CLPB: variants seen among roughly 807,000 people sequenced by gnomAD.
CLPB encodes ClpB family mitochondrial disaggregase.
Under a neutral mutation model 78.4 loss-of-function variants are expected in CLPB, and 40 were observed. That is an observed-to-expected ratio of 0.51 (90% CI 0.40 to 0.66). The LOEUF (loss-of-function observed/expected upper bound fraction) is 0.66. Among genes scored for constraint, CLPB ranks in the 30% least tolerant of loss-of-function variants. The pLI, the probability that CLPB is intolerant of heterozygous loss-of-function variation, is 0.00. For missense variants in CLPB, 780 were observed against 886.9 expected (o/e 0.88, Z 1.53); for synonymous variants, 333 against 348.0 (o/e 0.96, Z 0.48).
intron 4 of CLPB, among the ~76,000 whole-genome samples, chr11:72,367,985 A>G (rs1950975895): frequency 1.3e-5 from 2 of 152,232 alleles, no homozygotes; most frequent in South Asian, 4.1e-4. Context: ...GTTAAAAAAT[A>G]TATGTAAGAA....
At chr11:72,296,775 G>A (rs562109925) in intron 11 of CLPB, among the ~76,000 whole-genome samples, 15 of 152,288 alleles carry the variant, frequency 9.8e-5, no homozygotes, top group Non-Finnish European at 2.1e-4. Flanking sequence ...AACAGCGTCC[G>A]GTACAGAGTA....
At chr11:72,342,061 T>C (rs952878021) in intron 5 of CLPB, among the ~76,000 whole-genome samples, 1 of 152,150 alleles carries the variant, frequency 6.6e-6, no homozygotes, top group Non-Finnish European at 1.5e-5. Flanking sequence ...GGAGAAGTCA[T>C]CAGACATAAC....
At chr11:72,403,529 A>G (rs1021834085) in intron 2 of CLPB, among the ~76,000 whole-genome samples, 4 of 152,230 alleles carry the variant, frequency 2.6e-5, no homozygotes, top group Non-Finnish European at 4.4e-5. Flanking sequence ...TCCAGTCCAC[A>G]GCAATTCCTT....
At position 72,317,118 on chromosome 11, in the gene CLPB, T is replaced by A. The variant is rs770679403; in HGVS notation, c.976A>T (p.Thr326Ser). Residue 326 changes from threonine to serine, a missense_variant, in exon 7 of 16, where the codon ACA (threonine) becomes TCA (serine). Around this residue, in one of 3 missense-constraint regions of CLPB, gnomAD observed 91 missense variants for 168.2 expected, o/e 0.54. Transcript: ENST00000538039. ...CCCACACACTCACCAGCACCCACTG[T>A]GGCGATGGCGCTCTCCTGGCCAATG... The part of the protein sequence containing the change: ...HIIGQESAIA[T>S]VGAAIRRKEN... 1 of 1,610,448 alleles carries A rather than the reference T, an allele frequency of 6.2e-7. No homozygotes were observed.
chr11:72,380,467 G>A (rs1854876261), intron 3 of CLPB, 83 bp from the exon 4 acceptor site: 3 of 1,027,022 alleles, frequency 2.9e-6, no homozygotes, highest in Admixed American at 1.9e-5. Context: ...CATGTTTGGG[G>A]ACTGGAGCTG....
intron 4 of CLPB, 111 bp from the exon 5 acceptor site, chr11:72,359,119 A>G: frequency 6.5e-7 from 1 of 1,543,652 alleles, no homozygotes; most frequent in African/African-American, 1.4e-5. Flanking sequence ...CTACTTACTA[A>G]GCATAAAATG....
chr11:72,405,997 C>G (rs1855699361), intron 2 of CLPB, among the ~76,000 whole-genome samples: 1 of 151,902 alleles, frequency 6.6e-6, no homozygotes, highest in Non-Finnish European at 1.5e-5. Flanking sequence ...AAGTTAGCAA[C>G]AGAGAGAAAA....
At chr11:72,415,201 T>C (rs1327844121) in intron 2 of CLPB, among the ~76,000 whole-genome samples, 1 of 151,656 alleles carries the variant, frequency 6.6e-6, no homozygotes, top group Non-Finnish European at 1.5e-5. Flanking sequence ...GGCGACAGAG[T>C]GAGACTCCGT....
chr11:72,309,674 A>G (rs1378415442), intron 7 of CLPB, among the ~76,000 whole-genome samples: 1 of 152,188 alleles, frequency 6.6e-6, no homozygotes, highest in Non-Finnish European at 1.5e-5. Context: ...TTTTTTTAAA[A>G]AAGTAACATA....
chr11:72,294,769 C>T, intron 12 of CLPB, 76 bp from the exon 13 acceptor site: 1 of 1,245,848 alleles, frequency 8.0e-7, no homozygotes, highest in Non-Finnish European at 1.2e-6. Context: ...CCTTGGCCTG[C>T]CCATGGAAAG....
intron 4 of CLPB, chr11:72,372,860 A>G: frequency 7.2e-7 from 1 of 1,397,352 alleles, no homozygotes; most frequent in Non-Finnish European, 1.0e-6. Context: ...AGAGATAGTC[A>G]GATGAGACCA....
chr11:72,401,837 C>T (rs1855573134), intron 3 of CLPB, among the ~76,000 whole-genome samples: 1 of 152,206 alleles, frequency 6.6e-6, no homozygotes, highest in Non-Finnish European at 1.5e-5. Context: ...CAAATGTGTA[C>T]TTCATCCCAG....
At position 72,288,422 on chromosome 11, in the gene CLPB, G is replaced by A. The variant is rs1949414616; in HGVS notation, c.*4945C>T. 1.3e-5 allele frequency: 2 copies of A among 152,286 alleles called. No individual in the cohort carries two copies. The highest frequency in any genetic ancestry group is 1.9e-4 in the East Asian group (1 of 5,178). The allele number at this position is 152,286 out of a possible 1,614,324, so 9.4% of individuals were successfully genotyped here. A position where few individuals can be genotyped will look rare whatever the true frequency, so the allele number is the denominator to read the frequency against. On this transcript the variant is annotated 3_prime_UTR_variant, in exon 16 of 16. Transcript: ENST00000538039. ...ATGAGACCTGCTTGAACTGGAGGTG[G>A]AGGTTGCAGTGAGCCAAGATTGCAC...
At chr11:72,415,641 C>T (rs2135123263) in intron 2 of CLPB, among the ~76,000 whole-genome samples, 1 of 152,298 alleles carries the variant, frequency 6.6e-6, no homozygotes, top group East Asian at 1.9e-4. Flanking sequence ...TTAAAGTGTC[C>T]TTACCTTTAG....
At chr11:72,326,564 T>C (rs1590798739) in intron 6 of CLPB, among the ~76,000 whole-genome samples, 1 of 151,836 alleles carries the variant, frequency 6.6e-6, no homozygotes, top group South Asian at 2.1e-4. Flanking sequence ...TAGGTGGAGG[T>C]GGAGGAGGCT....
chr11:72,337,952 G>A (rs1254545018), intron 5 of CLPB, among the ~76,000 whole-genome samples: 1 of 152,134 alleles, frequency 6.6e-6, no homozygotes, highest in Non-Finnish European at 1.5e-5. Context: ...CCTCTCAGAA[G>A]GTCATCCACA....
chr11:72,430,354 A>G lies in CLPB; in HGVS notation c.413T>C (p.Leu138Pro), dbSNP rs1384482038. Residue 138 changes from leucine (L) to proline (P), a missense_variant, in exon 2 of 16, where the codon CTG becomes CCG. Leu to Pro is a moderately conservative substitution (Grantham distance 98). Transcript: ENST00000538039. ...ATTGTTGGCACGGGCAGCTTCCAACAGGGCTGCATCTGAAGAGAAAGGGGG... is the reference window on the plus strand; with the variant it reads ...ATTGTTGGCACGGGCAGCTTCCAACGGGGCTGCATCTGAAGAGAAAGGGGG... ...SKSPSNKDAA[L>P]LEAARANNMQ... The G allele has an allele frequency of 1.2e-6, 2 of 1,613,218 alleles. No homozygotes were observed. The highest frequency in any genetic ancestry group is 1.7e-6 in the Non-Finnish European group (2 of 1,179,860).
At chr11:72,378,101 A>T (rs1470470800) in intron 4 of CLPB, among the ~76,000 whole-genome samples, 1 of 152,256 alleles carries the variant, frequency 6.6e-6, no homozygotes, top group Non-Finnish European at 1.5e-5. Flanking sequence ...TGACAGCAGA[A>T]GTTGGACTAG....
Position 72,298,981 on chromosome 11 carries a change from A to T in CLPB, c.1329+2822T>A, listed in dbSNP as rs2135494483. 2.6e-5 allele frequency among the ~76,000 whole-genome samples: 4 copies of T among 152,330 alleles called. 1 individual carries two copies. The highest frequency in any genetic ancestry group is 6.8e-3 in the Middle Eastern group (2 of 294). On this transcript the variant is annotated intron_variant, in intron 11 of 15. Transcript: ENST00000538039. ...TTCCTGAACTGCTATTTTCAGTCAG[A>T]CCTTTCCTAAACTCCTGACCCATAA...
Sources: allele counts gnomAD v4.1 joint callset (sites outside exome capture counted in the v4.1 genomes callset), GRCh38; gene constraint gnomAD v4.1.1; regional missense constraint gnomAD v4.1.1; transcripts MANE v1.5; gene names NCBI Gene and HGNC (gene_info 2026-07-23, HGNC 2026-07-21).